CEP164: variants seen among roughly 807,000 people sequenced by gnomAD.
CEP164 encodes the protein centrosomal protein of 164 kDa.
CEP164 carries 162 observed loss-of-function variants against 182.7 expected under a neutral mutation model. The observed-to-expected ratio is 0.89, with a 90% CI of 0.78 to 1.01. The LOEUF is 1.01. Ranked by LOEUF, CEP164 falls within the 50% of genes least tolerant of loss-of-function variation. The pLI, the probability that CEP164 is intolerant of heterozygous loss-of-function variation, is 0.00. For missense variants in CEP164, 1,735 were observed against 1,790.4 expected (o/e 0.97, Z 0.56); for synonymous variants, 661 against 690.0 (o/e 0.96, Z 0.66).
At chr11:117,343,195 A>G (rs1012594989) in intron 3 of CEP164, among the ~76,000 whole-genome samples, 2 of 152,196 alleles carry the variant, frequency 1.3e-5, no homozygotes, top group Admixed American at 6.5e-5. Context: ...AGGGTCCATA[A>G]TATATTGTAA....
intron 27 of CEP164, among the ~76,000 whole-genome samples, chr11:117,405,071 GTGGATCTTAGCTTGC>G (rs2046524392): frequency 6.6e-6 from 1 of 152,236 alleles, no homozygotes; most frequent in Non-Finnish European, 1.5e-5. Context: ...TTTCAAGCCA[GTGGATCTTAGCTTGC>G]TGGGCTCTGT....
chr11:117,380,569 A>G (rs1339227525), intron 11 of CEP164, 45 bp from the exon 12 acceptor site: 1 of 1,482,194 alleles, frequency 6.7e-7, no homozygotes, highest in African/African-American at 1.4e-5. Flanking sequence ...AGGGACCCAA[A>G]TGCAGTCCCT....
rs1037099175 is a variant in CEP164, at chr11:117,394,035, A to G, written c.2617-315A>G. On this transcript the variant is annotated intron_variant, in intron 20 of 32. Transcript: ENST00000278935. The surrounding 1 kb of genome is among the most constrained non-coding windows in gnomAD (Gnocchi z 4.0). ...CAACCAATTATGACCTTGCTGAAGA[A>G]TAGTGATAATTTATCAGTGACCTCT... Among the ~76,000 whole-genome samples, 3 of 152,250 alleles carry G rather than the reference A, an allele frequency of 2.0e-5. No homozygotes were observed. Among genetic ancestry groups the G allele is most frequent in the Non-Finnish European group, 4.4e-5 (3 of 68,034 alleles).
At chr11:117,387,622 C>T (rs539576814) in intron 15 of CEP164, among the ~76,000 whole-genome samples, 1 of 152,314 alleles carries the variant, frequency 6.6e-6, no homozygotes, top group African/African-American at 2.4e-5. Flanking sequence ...TTTAGCTGAC[C>T]TCTTTACCCC....
intron 1 of CEP164, among the ~76,000 whole-genome samples, chr11:117,330,451 G>A (rs1034106272): frequency 2.0e-5 from 3 of 152,116 alleles, no homozygotes; most frequent in Admixed American, 6.6e-5. Context: ...TCAGGAGTTC[G>A]AGACTTGGCC....
At chr11:117,377,646 AAGGGCAGGACC>A (rs1207903664) in intron 11 of CEP164, among the ~76,000 whole-genome samples, 3 of 152,178 alleles carry the variant, frequency 2.0e-5, no homozygotes, top group African/African-American at 7.2e-5. Context: ...TGTCTCTCTC[AAGGGCAGGACC>A]AGGGCAGAAG....
chr11:117,397,385 G>C (rs534254348), intron 27 of CEP164, 72 bp downstream of exon 27: 2 of 1,418,656 alleles, frequency 1.4e-6, no homozygotes, highest in African/African-American at 2.8e-5. Context: ...ACAGTCCTTT[G>C]GGCTCCCCCT....
intron 19 of CEP164, 60 bp downstream of exon 19, chr11:117,392,687 G>A (rs2044825624): frequency 6.3e-7 from 1 of 1,581,668 alleles, no homozygotes; most frequent in African/African-American, 1.3e-5. Context: ...CTTACAGTCA[G>A]CTGAGCCGGC....
chr11:117,397,892 A>G (rs572270464), intron 27 of CEP164, among the ~76,000 whole-genome samples: 43 of 152,254 alleles, frequency 2.8e-4, no homozygotes, highest in African/African-American at 1.0e-3. Context: ...TTGCCCCTCC[A>G]TATCTCATGT....
chr11:117,402,356 G>T (rs1295728615), intron 27 of CEP164, among the ~76,000 whole-genome samples: 1 of 152,074 alleles, frequency 6.6e-6, no homozygotes. Context: ...GAGTAGCTGG[G>T]ATTACAGGTG....
chr11:117,328,128 G>T (rs1484251656), intron 1 of CEP164: 2 of 152,284 alleles, frequency 1.3e-5, no homozygotes, highest in Non-Finnish European at 2.9e-5. Context: ...GTGAAAATCG[G>T]ACTGCCAGGC....
upstream of CEP164, among the ~76,000 whole-genome samples, chr11:117,324,305 G>A (rs2035352793): frequency 1.3e-5 from 2 of 151,976 alleles, no homozygotes; most frequent in South Asian, 2.1e-4. Flanking sequence ...AACATAGCCC[G>A]GTGTGGTGGC....
intron 14 of CEP164, among the ~76,000 whole-genome samples, chr11:117,383,846 G>A (rs941386394): frequency 6.6e-6 from 1 of 152,206 alleles, no homozygotes; most frequent in African/African-American, 2.4e-5. Flanking sequence ...AGACCAGCTG[G>A]CCAACATGGC....
intron 27 of CEP164, among the ~76,000 whole-genome samples, chr11:117,402,744 G>T (rs1231860963): frequency 6.6e-6 from 1 of 152,192 alleles, no homozygotes; most frequent in Non-Finnish European, 1.5e-5. Flanking sequence ...CCAGAGCTGA[G>T]TTCAAGTCCT....
intron 12 of CEP164, 47 bp from the exon 13 acceptor site, chr11:117,381,654 C>T (rs780841519): frequency 2.3e-5 from 36 of 1,573,634 alleles, no homozygotes; most frequent in Non-Finnish European, 2.7e-5. Context: ...TCTTCCCGCT[C>T]TCCAAATGGA....
In CEP164 at chr11:117,411,098, G is replaced by A. The variant is rs571761252; in HGVS notation, c.4163+204G>A. The stretch of plus-strand genomic sequence containing the variant: ...ACCAGGGGAAAGTCAAGTTCACACC[G>A]CCAAGGTCCCAGTGGGGAAGGGCTG... On this transcript the variant is annotated intron_variant, in intron 31 of 32. Transcript: ENST00000278935. The surrounding 1 kb of genome is among the most constrained non-coding windows in gnomAD (Gnocchi z 4.4). The A allele has an allele frequency of 1.6e-3, 923 of 560,286 alleles. 2 individuals carry two copies. The highest frequency in any genetic ancestry group is 1.4e-3 in the Non-Finnish European group (447 of 309,626). 34.7% of individuals were successfully genotyped at this position (560,286 alleles called of 1,614,324 possible).
intron 11 of CEP164, among the ~76,000 whole-genome samples, chr11:117,379,322 G>T (rs1302376340): frequency 6.6e-6 from 1 of 152,230 alleles, no homozygotes; most frequent in African/African-American, 2.4e-5. Flanking sequence ...AGCCACAGCT[G>T]CTGGGGCTTA....
upstream of CEP164, among the ~76,000 whole-genome samples, chr11:117,326,197 C>T (rs1036043357): frequency 6.6e-6 from 1 of 151,884 alleles, no homozygotes; most frequent in African/African-American, 2.4e-5. Context: ...AGGCATGAGC[C>T]ACTGTGCCTG....
chr11:117,392,579 GCA>G lies in CEP164; in HGVS notation c.2448_2449del (p.His816GlnfsTer13). The G allele has an allele frequency of 6.2e-7, 1 of 1,614,184 alleles. No homozygotes were observed. The highest frequency in any genetic ancestry group is 1.7e-5 in the Admixed American group (1 of 60,024). ...TGCAGAAGTGCCTTGGGCAAGTGGA[GCA>G]CAGAGTTCACCAGAAGTCTTATCAC... Reference protein sequence around the residue: ...QLQKCLGQVEHRVHQKSYHVA... With the variant: ...QLQKCLGQVEXRVHQKSYHVA... On this transcript the variant is annotated frameshift_variant, in exon 19 of 33. Coordinates refer to ENST00000278935, the MANE Select transcript of CEP164 (RefSeq NM_014956.5). LOFTEE classifies it high-confidence loss of function.
Sources: allele counts gnomAD v4.1 joint callset (sites outside exome capture counted in the v4.1 genomes callset), GRCh38; gene constraint gnomAD v4.1.1; non-coding constraint Gnocchi (gnomAD v3.1); transcripts MANE v1.5; gene names NCBI Gene and HGNC (gene_info 2026-07-23, HGNC 2026-07-21).